The following AR variants were observed in gnomAD, a reference collection of about 807,000 sequenced individuals.
AR encodes dihydrotestosterone receptor.
Under a neutral mutation model 53.9 loss-of-function variants are expected in AR, and 8 were observed. The ratio of observed to expected loss-of-function variants is 0.15; its 90% CI spans 0.09 to 0.27. The LOEUF is 0.27. Ranked by LOEUF, AR falls within the 10% of genes least tolerant of loss-of-function variation. The pLI is 1.00. For missense variants in AR, 639 were observed against 742.5 expected, an observed-to-expected ratio of 0.86 and a Z score of 1.62; for synonymous variants, 359 against 316.4, an observed-to-expected ratio of 1.13 and a Z score of -1.43.
At chrX:67,593,643 C>A (rs1922943923) in intron 1 of AR, among the ~76,000 whole-genome samples, 1 of 111,948 alleles carries the variant, frequency 8.9e-6, no homozygotes, top group African/African-American at 3.2e-5. Flanking sequence ...TGCCAGTATG[C>A]CCAGCCAGTA....
At chrX:67,642,026 A>G (rs995626440) in intron 1 of AR, among the ~76,000 whole-genome samples, 1 of 111,141 alleles carries the variant, frequency 9.0e-6, no homozygotes, top group Non-Finnish European at 1.9e-5. Context: ...AACGTTTTTC[A>G]TCTGTACAGT....
chrX:67,625,974 G>T (rs1441267468), intron 1 of AR, among the ~76,000 whole-genome samples: 1 of 110,951 alleles, frequency 9.0e-6, no homozygotes, highest in African/African-American at 3.3e-5. Flanking sequence ...TATTTATGGG[G>T]TATATGAGAT....
chrX:67,628,433 CTGTT>C lies in AR; in HGVS notation c.1617-14819_1617-14816del, dbSNP rs768075541. Among the ~76,000 whole-genome samples the C allele has an allele frequency of 8.0e-3, 847 of 105,730 alleles. 6 individuals carry two copies. The highest frequency in any genetic ancestry group is 0.027 in the African/African-American group (804 of 30,176). 91.8% of individuals were successfully genotyped at this position (105,730 alleles called of 115,157 possible). A position where few individuals can be genotyped will look rare whatever the true frequency, so the allele number is the denominator to read the frequency against. ...GGGAGTTCACTCATGATTTGGCTCT[CTGTT>C]TGTCTGTTATTGGTGTATAAGAATG... is the stretch of plus-strand genomic sequence containing the variant. On this transcript the variant is annotated intron_variant, in intron 1 of 7. Coordinates refer to ENST00000374690, the MANE Select transcript of AR (RefSeq NM_000044.6).
At chrX:67,663,939 C>T (rs1319187955) in intron 2 of AR, among the ~76,000 whole-genome samples, 2 of 112,193 alleles carry the variant, frequency 1.8e-5, no homozygotes, top group Non-Finnish European at 3.8e-5. Context: ...GCATTTGTCA[C>T]GTAGTTCTCG....
chrX:67,640,033 G>A (rs1458947751), intron 1 of AR, among the ~76,000 whole-genome samples: 1 of 111,624 alleles, frequency 9.0e-6, no homozygotes, highest in Non-Finnish European at 1.9e-5. Flanking sequence ...ATGAAGCAGT[G>A]TTGTATTTTG....
chrX:67,595,243 A>G (rs773568086), intron 1 of AR, among the ~76,000 whole-genome samples: 1 of 111,091 alleles, frequency 9.0e-6, no homozygotes, highest in South Asian at 3.8e-4. Context: ...TGTCACAGCT[A>G]ATTTTTCTTT....
At chrX:67,654,417 G>A (rs771340105) in intron 2 of AR, among the ~76,000 whole-genome samples, 2 of 111,138 alleles carry the variant, frequency 1.8e-5, no homozygotes, top group East Asian at 5.7e-4. Context: ...AAGGCCATCA[G>A]CATTTGTATG....
At chrX:67,706,521 A>C (rs1043074187) in intron 3 of AR, among the ~76,000 whole-genome samples, 5 of 110,483 alleles carry the variant, frequency 4.5e-5, no homozygotes, top group African/African-American at 1.7e-4. Flanking sequence ...TATTGCATCT[A>C]TTTGATTTTT....
At chrX:67,659,635 G>T (rs1385215847) in intron 2 of AR, among the ~76,000 whole-genome samples, 1 of 111,770 alleles carries the variant, frequency 8.9e-6, no homozygotes. Context: ...CATTTGGGTT[G>T]GTTCCAAGGC....
rs3032358 is a variant in AR at position 67,545,316 on chromosome X, TGCAGCAGCAGCA to T, written c.228_239del (p.Gln77_Gln80del). Reference sequence around the variant, plus strand: ...CCTCCCGGCGCCAGTTTGCTGCTGCTGCAGCAGCAGCAGCAGCAGCAGCAGCAGCAGCAGCAG... The same window carrying T: ...CCTCCCGGCGCCAGTTTGCTGCTGCTGCAGCAGCAGCAGCAGCAGCAGCAG... On this transcript the variant is annotated inframe_deletion, in exon 1 of 8. Transcript: ENST00000374690. 0.021 allele frequency: 20,573 copies of T among 990,164 alleles called. 391 individuals are homozygous for T. Among genetic ancestry groups the T allele is most frequent in the African/African-American group, 0.099 (4,150 of 41,964 alleles). 81.6% of individuals were successfully genotyped at this position (990,164 alleles called of 1,213,427 possible).
intron 1 of AR, among the ~76,000 whole-genome samples, chrX:67,611,297 C>T (rs1378881214): frequency 2.7e-5 from 3 of 111,004 alleles, no homozygotes; most frequent in Admixed American, 9.6e-5. Context: ...TTTAAGTTGC[C>T]TATCTTAATT....
intron 1 of AR, among the ~76,000 whole-genome samples, chrX:67,568,601 G>T (rs1921659769): frequency 9.0e-6 from 1 of 111,389 alleles, no homozygotes; most frequent in African/African-American, 3.3e-5. Context: ...CCCTCCCCTT[G>T]GTTTTTATTT....
intron 1 of AR, among the ~76,000 whole-genome samples, chrX:67,625,250 G>A (rs1924573453): frequency 9.0e-6 from 1 of 111,057 alleles, no homozygotes; most frequent in Non-Finnish European, 1.9e-5. Context: ...ACAAAACACT[G>A]TGGAAAGTAA....
At chrX:67,714,688 G>T (rs1331744820) in intron 4 of AR, among the ~76,000 whole-genome samples, 1 of 112,229 alleles carries the variant, frequency 8.9e-6, no homozygotes, top group Non-Finnish European at 1.9e-5. Context: ...TTCAGAACCT[G>T]AGAATGACTC....
At chrX:67,574,426 A>G (rs1007563554) in intron 1 of AR, among the ~76,000 whole-genome samples, 6 of 110,575 alleles carry the variant, frequency 5.4e-5, no homozygotes, top group South Asian at 3.9e-4. Flanking sequence ...AAGTGCCCCA[A>G]TGACCCATTG....
chrX:67,693,470 A>C, intron 3 of AR, among the ~76,000 whole-genome samples: 1 of 112,550 alleles, frequency 8.9e-6, no homozygotes, highest in East Asian at 2.8e-4. Context: ...TTTATTATTT[A>C]TTATTTAAAA....
At chrX:67,674,119 ACT>A (rs1212701285) in intron 2 of AR, among the ~76,000 whole-genome samples, 1 of 108,683 alleles carries the variant, frequency 9.2e-6, no homozygotes, top group Non-Finnish European at 1.9e-5. Flanking sequence ...CCAAGCAGAG[ACT>A]CTTGTTCTCT....
chrX:67,704,305 C>T (rs1439623971), intron 3 of AR, among the ~76,000 whole-genome samples: 1 of 112,036 alleles, frequency 8.9e-6, no homozygotes, highest in Non-Finnish European at 1.9e-5. Context: ...TTTCCAGCAC[C>T]TGTTGTTTCC....
intron 1 of AR, among the ~76,000 whole-genome samples, chrX:67,641,235 G>C (rs996901758): frequency 8.9e-6 from 1 of 111,825 alleles, no homozygotes; most frequent in South Asian, 3.7e-4. Flanking sequence ...ATTGTTCTGA[G>C]CATCAGTTTC....
Sources: allele counts gnomAD v4.1 joint callset (sites outside exome capture counted in the v4.1 genomes callset), GRCh38; gene constraint gnomAD v4.1.1; transcripts MANE v1.5; gene names NCBI Gene and HGNC (gene_info 2026-07-23, HGNC 2026-07-21).